Variants in NR2C2 observed in about 807,000 individuals in gnomAD.
NR2C2 encodes the protein Nuclear hormone receptor TR4.
In NR2C2, 6 loss-of-function variants were observed where a neutral mutation model predicts 62.9. The observed-to-expected ratio is 0.10, with a 90% CI of 0.05 to 0.19. NR2C2 has a LOEUF of 0.19. Among genes scored for constraint, NR2C2 ranks in the 10% least tolerant of loss-of-function variants. The pLI is 1.00. For synonymous variants in NR2C2, 272 were observed against 273.8 expected (o/e 0.99, Z 0.07); for missense variants, 479 against 762.7 (o/e 0.63, Z 4.38).
Position 15,043,046 on chromosome 3 carries a change from TC to T in NR2C2, c.*40del, listed in dbSNP as rs764168079. On this transcript the variant is annotated 3_prime_UTR_variant, in exon 14 of 14. Coordinates refer to ENST00000425241, the MANE Select transcript of NR2C2 (RefSeq NM_001291694.2). ...ACCTGCCAAGGAGCAACAGAATCCT[TC>T]CAGGACCGTTCACATACAAAGAAAA... 2 of 1,573,462 alleles carry T rather than the reference TC, an allele frequency of 1.3e-6. No individual in the cohort carries two copies. Among genetic ancestry groups the T allele is most frequent in the South Asian group, 2.3e-5 (2 of 85,556 alleles).
chr3:15,020,840 G>A lies in NR2C2; in HGVS notation c.464G>A (p.Ser155Asn). Residue 155 changes from serine (S) to asparagine (N), a missense_variant, in exon 5 of 14, where the codon AGC becomes AAC. Ser to Asn is a conservative substitution (Grantham distance 46, BLOSUM62 1). Coordinates refer to ENST00000425241, the MANE Select transcript of NR2C2 (RefSeq NM_001291694.2). Reference sequence around the variant, plus strand: ...AAAAATTTGACCTACAGCTGCCGGAGCAACCAAGACTGCATCATCAATAAA... The same window carrying A: ...AAAAATTTGACCTACAGCTGCCGGAACAACCAAGACTGCATCATCAATAAA... ...VRKNLTYSCRSNQDCIINKHH... is the reference protein window; with the variant it reads ...VRKNLTYSCRNNQDCIINKHH... 2 of 1,614,202 alleles carry A rather than the reference G, an allele frequency of 1.2e-6. No homozygotes were observed. The highest frequency in any genetic ancestry group is 8.5e-7 in the Non-Finnish European group (1 of 1,180,032).
chr3:15,030,240 T>A, intron 8 of NR2C2, 35 bp from the exon 9 acceptor site: 1 of 1,574,202 alleles, frequency 6.4e-7, no homozygotes, highest in Non-Finnish European at 8.6e-7. Context: ...AAGCTGTAGA[T>A]TCACAACAAT....
chr3:15,003,389 C>G (rs1449440606), intron 1 of NR2C2, among the ~76,000 whole-genome samples: 1 of 152,156 alleles, frequency 6.6e-6, no homozygotes, highest in Non-Finnish European at 1.5e-5. Context: ...TTTCCCAGCT[C>G]CATCCCATTG....
chr3:15,034,625 A>G (rs1399904214), intron 10 of NR2C2, 45 bp from the exon 11 acceptor site: 1 of 1,593,982 alleles, frequency 6.3e-7, no homozygotes, highest in East Asian at 2.3e-5. Context: ...AACCTTGGAG[A>G]AATGCCAACA....
At position 15,003,841 on chromosome 3, in the gene NR2C2, A is replaced by C. The variant is rs2041090033; in HGVS notation, c.-39-35A>C. 2.8e-6 allele frequency: 4 copies of C among 1,420,846 alleles called. No individual in the cohort carries two copies. The South Asian group carries it at 3.5e-5, about 12-fold the overall frequency. 88.0% of individuals were successfully genotyped at this position (1,420,846 alleles called of 1,614,324 possible). On this transcript the variant is annotated intron_variant, in intron 1 of 13. Coordinates refer to ENST00000425241, the MANE Select transcript of NR2C2 (RefSeq NM_001291694.2). ...AGGCCACCTCTGGGCATCATTCTGA[A>C]CCCCCTTGTGATCCAGCCCACTTCT...
chr3:14,950,132 C>T lies in NR2C2; in HGVS notation c.-40+2226C>T, dbSNP rs148198508. On this transcript the variant is annotated intron_variant, in intron 1 of 13. Transcript: ENST00000425241. ...TGTCATTATGAACTACTGGTATAGA[C>T]ATTGGACTAATTAAGTGATATAAAT... 5.6e-4 allele frequency among the ~76,000 whole-genome samples: 85 copies of T among 152,262 alleles called. 1 individual carries two copies. In the East Asian group the frequency reaches 0.015, roughly 27 times the overall value.
intron 1 of NR2C2, among the ~76,000 whole-genome samples, chr3:14,988,892 A>G (rs2040584912): frequency 1.3e-5 from 2 of 152,116 alleles, no homozygotes; most frequent in South Asian, 4.1e-4. Context: ...GTATGTGTGG[A>G]GTGGAAATTT....
chr3:14,998,868 G>GGC (rs2040904554), intron 1 of NR2C2, among the ~76,000 whole-genome samples: 1 of 152,032 alleles, frequency 6.6e-6, no homozygotes, highest in South Asian at 2.1e-4. Flanking sequence ...AAAATTAGGT[G>GGC]GCGCACGCCC....
intron 1 of NR2C2, among the ~76,000 whole-genome samples, chr3:14,957,749 A>C (rs2039568661): frequency 6.6e-6 from 1 of 151,766 alleles, no homozygotes; most frequent in African/African-American, 2.4e-5. Context: ...CCACTTCCTA[A>C]CTGGCCTCCC....
rs1296493736 is a variant in NR2C2 at position 15,044,660 on chromosome 3, A to T, written c.*1652A>T. The T allele has an allele frequency of 6.6e-6, 1 of 152,266 alleles. No individual in the cohort carries two copies. Among genetic ancestry groups the T allele is most frequent in the Non-Finnish European group, 1.5e-5 (1 of 68,046 alleles). 9.4% of individuals were successfully genotyped at this position (152,266 alleles called of 1,614,324 possible). On this transcript the variant is annotated 3_prime_UTR_variant, in exon 14 of 14. Coordinates refer to ENST00000425241, the MANE Select transcript of NR2C2 (RefSeq NM_001291694.2). ...TCTCTTGATTTGTTAATCAGATGAT[A>T]TCCAAAAAGATCCCTGGACACTCCC...
intron 2 of NR2C2, chr3:15,004,690 CA>C: frequency 6.6e-7 from 1 of 1,510,792 alleles, no homozygotes; most frequent in Non-Finnish European, 9.0e-7. Flanking sequence ...ATTGTTATCT[CA>C]ACAAGCTGAA....
At chr3:15,025,992 G>A (rs1418690573) in intron 7 of NR2C2, 1 of 151,998 alleles carries the variant, frequency 6.6e-6, no homozygotes, top group Admixed American at 6.6e-5. Context: ...CTTGGTTTGA[G>A]TATATCTCTG....
intron 11 of NR2C2, among the ~76,000 whole-genome samples, chr3:15,037,260 A>G (rs1464456191): frequency 1.3e-5 from 2 of 151,722 alleles, no homozygotes; most frequent in Non-Finnish European, 2.9e-5. Context: ...TTGTAGAGAC[A>G]GAGTCTCATG....
At chr3:14,982,177 A>G (rs1271399394) in intron 1 of NR2C2, among the ~76,000 whole-genome samples, 1 of 151,892 alleles carries the variant, frequency 6.6e-6, no homozygotes, top group African/African-American at 2.4e-5. Flanking sequence ...CAGTCCTTCC[A>G]CCTCACCCTT....
At chr3:14,973,236 AT>A (rs200422142) in intron 1 of NR2C2, among the ~76,000 whole-genome samples, 3 of 150,912 alleles carry the variant, frequency 2.0e-5, no homozygotes, top group Non-Finnish European at 4.4e-5. Context: ...TTCCTCTATG[AT>A]TTTTTTTTGG....
intron 1 of NR2C2, among the ~76,000 whole-genome samples, chr3:14,977,722 T>C (rs1464718998): frequency 1.3e-5 from 2 of 152,114 alleles, no homozygotes; most frequent in Non-Finnish European, 2.9e-5. Flanking sequence ...CCTAGCACTT[T>C]GGGAGGCCGA....
Position 14,947,763 on chromosome 3 carries a change from TGCCCCGCGAGCCCGCG to T in NR2C2, c.-177_-162del, listed in dbSNP as rs1462956273. ...CCTCGGCGTCTCGTCTCTCGCCCGC[TGCCCCGCGAGCCCGCG>T]GCCCCCGGGCTCCCGCCATCCGCCG... is the stretch of plus-strand genomic sequence containing the variant. On this transcript the variant is annotated 5_prime_UTR_variant, in exon 1 of 14. Transcript: ENST00000425241. The T allele has an allele frequency of 2.0e-5, 3 of 147,662 alleles. No individual in the cohort carries two copies. Among genetic ancestry groups the T allele is most frequent in the South Asian group, 4.2e-4 (2 of 4,802 alleles). 9.1% of individuals were successfully genotyped at this position (147,662 alleles called of 1,614,324 possible).
chr3:14,970,621 C>T (rs2040008512), intron 1 of NR2C2, among the ~76,000 whole-genome samples: 2 of 152,132 alleles, frequency 1.3e-5, no homozygotes, highest in Admixed American at 6.5e-5. Context: ...GTATAATGTC[C>T]TCAAGGTTAA....
At position 15,043,219 on chromosome 3, in the gene NR2C2, G is replaced by T; in HGVS notation, c.*211G>T. 1 of 388,800 alleles carries T rather than the reference G, an allele frequency of 2.6e-6. No homozygotes were observed. Among genetic ancestry groups the T allele is most frequent in the Non-Finnish European group, 4.5e-6 (1 of 221,902 alleles). The allele number at this position is 388,800 out of a possible 1,614,324, so 24.1% of individuals were successfully genotyped here. On this transcript the variant is annotated 3_prime_UTR_variant, in exon 14 of 14. Coordinates refer to ENST00000425241, the MANE Select transcript of NR2C2 (RefSeq NM_001291694.2). ...AAGAAATGTTTTAATGCCTTTTGATGAAGCAGCAGATTTTGGAACAATCTT... is the reference window on the plus strand; with the variant it reads ...AAGAAATGTTTTAATGCCTTTTGATTAAGCAGCAGATTTTGGAACAATCTT...
Sources: gnomAD v4.1 joint callset for allele counts (sites outside exome capture counted in the v4.1 genomes callset) on GRCh38, gnomAD v4.1.1 for gene constraint, MANE v1.5 for transcripts, NCBI Gene and HGNC (gene_info 2026-07-23, HGNC 2026-07-21) for gene names.